Variants in PTPDC1 observed in about 807,000 individuals in gnomAD.
PTPDC1 encodes protein tyrosine phosphatase domain containing 1.
A neutral mutation model predicts 75.3 loss-of-function variants in PTPDC1; 53 were observed. The ratio of observed to expected loss-of-function variants is 0.70; its 90% CI spans 0.56 to 0.88. The LOEUF (loss-of-function observed/expected upper bound fraction) is 0.88. Among genes scored for constraint, PTPDC1 ranks in the 40% least tolerant of loss-of-function variants. The pLI is 0.00. For missense variants in PTPDC1, 925 were observed against 998.6 expected, an observed-to-expected ratio of 0.93 and a Z score of 0.99; for synonymous variants, 349 against 366.2, an observed-to-expected ratio of 0.95 and a Z score of 0.54.
intron 1 of PTPDC1, among the ~76,000 whole-genome samples, chr9:94,045,797 C>G (rs903632565): frequency 2.0e-5 from 3 of 151,310 alleles, no homozygotes; most frequent in Admixed American, 6.6e-5. Context: ...TGTAGGTTGC[C>G]TGTTCACTCT....
rs1374251671 is a variant in PTPDC1 at position 94,104,314 on chromosome 9, G to A, written c.2239G>A (p.Val747Met). 1.9e-6 allele frequency: 3 copies of A among 1,613,772 alleles called. No homozygotes were observed. The African/African-American group carries it at 4.0e-5, about 22-fold the overall frequency. The change falls in exon 8 of 9, where the codon GTG (valine) becomes ATG (methionine). Residue 747 changes from valine to methionine, a missense_variant. By Grantham distance (21) the Val-to-Met change is conservative. Transcript: ENST00000620992. ...QTILCVLHCI[V>M]NLQTIPVDVE... is the part of the protein sequence containing the mutation. ...TATTCTCTGCGTGTTGCACTGCATAGTGAACCTGCAGACAATTCCCGTGGA... is the reference window on the plus strand; with the variant it reads ...TATTCTCTGCGTGTTGCACTGCATAATGAACCTGCAGACAATTCCCGTGGA...
At chr9:94,091,416 C>T (rs1388448928) in intron 4 of PTPDC1, among the ~76,000 whole-genome samples, 1 of 151,976 alleles carries the variant, frequency 6.6e-6, no homozygotes, top group African/African-American at 2.4e-5. Context: ...ACCAGCCTTG[C>T]ATCCCAGGGA....
In PTPDC1 at chr9:94,054,221, G is replaced by A. The variant is rs544488659; in HGVS notation, c.-6-10513G>A. On this transcript the variant is annotated intron_variant, in intron 1 of 9. Coordinates refer to the PTPDC1 transcript ENST00000375360. ...AAGTCCTATGGAGAAAAATGGGAGA[G>A]TGTTTTAAATTTTAATTAGGGTGAT... 4.6e-5 allele frequency among the ~76,000 whole-genome samples: 7 copies of A among 152,300 alleles called. No homozygotes were observed. In the South Asian group the frequency reaches 1.5e-3, roughly 32 times the overall value.
intron 4 of PTPDC1, among the ~76,000 whole-genome samples, chr9:94,090,623 A>G (rs1827278720): frequency 8.6e-6 from 1 of 116,658 alleles, no homozygotes; most frequent in Non-Finnish European, 1.7e-5. Flanking sequence ...GAAGAAAGTC[A>G]TTGGTAGCTT....
At chr9:94,102,380 AATATGTAT>A (rs1827873652) in intron 7 of PTPDC1, among the ~76,000 whole-genome samples, 1 of 151,588 alleles carries the variant, frequency 6.6e-6, no homozygotes, top group Admixed American at 6.6e-5. Context: ...AAATAGAGGA[AATATGTAT>A]ATATGTATAA....
chr9:94,033,465 G>A (rs1441440846), intron 1 of PTPDC1, among the ~76,000 whole-genome samples: 1 of 152,140 alleles, frequency 6.6e-6, no homozygotes, highest in Admixed American at 6.5e-5. Context: ...GTGTGTTTAA[G>A]GAAGAACCGG....
At chr9:94,072,008 TTTTG>T (rs1303674738) in intron 2 of PTPDC1, among the ~76,000 whole-genome samples, 4 of 152,300 alleles carry the variant, frequency 2.6e-5, no homozygotes, top group East Asian at 1.9e-4. Context: ...ATTGTGGTTT[TTTTG>T]TTTGTTTGTT....
At chr9:94,038,960 T>A (rs1825352468) in intron 1 of PTPDC1, among the ~76,000 whole-genome samples, 1 of 152,218 alleles carries the variant, frequency 6.6e-6, no homozygotes, top group Admixed American at 6.5e-5. Flanking sequence ...TTATAGATGA[T>A]CTATAAGGTC....
intron 8 of PTPDC1, among the ~76,000 whole-genome samples, chr9:94,104,822 A>C (rs1827960880): frequency 6.6e-6 from 1 of 152,178 alleles, no homozygotes; most frequent in Admixed American, 6.5e-5. Flanking sequence ...GCAAATCCTA[A>C]GGAAAGAGTT....
At chr9:94,038,245 C>G in intron 1 of PTPDC1, 1 of 918,002 alleles carries the variant, frequency 1.1e-6, no homozygotes, top group Non-Finnish European at 1.8e-6. Flanking sequence ...TGGAGAATCC[C>G]AAGAAGTACA....
rs547059455 is a variant in PTPDC1, at chr9:94,097,389, C to T, written c.823C>T (p.Arg275Trp). Residue 275 changes from arginine (R) to tryptophan (W), a missense_variant, in exon 6 of 9, where the codon CGG (arginine) becomes TGG (tryptophan). Physicochemically the swap from Arg to Trp is moderately radical, Grantham distance 101. Coordinates refer to ENST00000620992, the MANE Select transcript of PTPDC1 (RefSeq NM_001253829.2). ...TGCTGACCAAGCAATTATATTTGTG[C>T]GGGCAAAGCGACCCAATTCCATACA... ...MTADQAIIFV[R>W]AKRPNSIQTR... 8 of 1,613,790 alleles carry T rather than the reference C, an allele frequency of 5.0e-6. No individual in the cohort carries two copies. The Admixed American group carries it at 5.0e-5, about 10-fold the overall frequency.
rs916931616 is a variant in PTPDC1, at chr9:94,109,615, T to C, written c.*1671T>C. On this transcript the variant is annotated 3_prime_UTR_variant, in exon 9 of 9. Transcript: ENST00000620992. ...AAATAGAGTTTTTACCAAAAAAAGATGTTTGTTCTCATCTCAGTAGGCCTC... is the reference window on the plus strand; with the variant it reads ...AAATAGAGTTTTTACCAAAAAAAGACGTTTGTTCTCATCTCAGTAGGCCTC... The C allele has an allele frequency of 3.9e-5, 6 of 152,204 alleles. No homozygotes were observed. The highest frequency in any genetic ancestry group is 1.4e-4 in the African/African-American group (6 of 41,448). 9.4% of individuals were successfully genotyped at this position (152,204 alleles called of 1,614,324 possible). A position where few individuals can be genotyped will look rare whatever the true frequency, so the allele number is the denominator to read the frequency against.
intron 4 of PTPDC1, among the ~76,000 whole-genome samples, chr9:94,094,450 G>T (rs907012274): frequency 6.6e-6 from 1 of 152,176 alleles, no homozygotes; most frequent in Non-Finnish European, 1.5e-5. Flanking sequence ...ATTTCCAGCT[G>T]CGTGCTGGGA....
chr9:94,084,898 T>C (rs961424652), intron 1 of PTPDC1, 124 bp downstream of exon 1: 4 of 686,250 alleles, frequency 5.8e-6, no homozygotes, highest in African/African-American at 1.8e-5. Context: ...TTTTGCTGTC[T>C]GTTATGCTAT....
At chr9:94,090,723 T>C (rs1204720047) in intron 4 of PTPDC1, among the ~76,000 whole-genome samples, 1 of 128,680 alleles carries the variant, frequency 7.8e-6, no homozygotes, top group African/African-American at 3.1e-5. Flanking sequence ...CATGGAATGT[T>C]CTTCCATTTG....
intron 1 of PTPDC1, among the ~76,000 whole-genome samples, chr9:94,085,017 GT>G (rs1304763454): frequency 1.3e-5 from 2 of 152,106 alleles, no homozygotes; most frequent in Non-Finnish European, 2.9e-5. Context: ...TGCTTCTACA[GT>G]TTCTTCCTCC....
At chr9:94,097,229 A>T in intron 5 of PTPDC1, 92 bp from the exon 6 acceptor site, 1 of 832,118 alleles carries the variant, frequency 1.2e-6, no homozygotes, top group Middle Eastern at 3.6e-4. Context: ...TTCTTAACAC[A>T]TATTCAAATT....
chr9:94,098,532 G>GA lies in PTPDC1; in HGVS notation c.1968dup (p.Ser657IlefsTer19). ...GGCCAAAGCCCTAGCAAATTTAAAT[G>GA]AATCTGTAGAAAAGGAGGAACTAAA... On this transcript the variant is annotated frameshift_variant, in exon 6 of 9. Coordinates refer to ENST00000620992, the MANE Select transcript of PTPDC1 (RefSeq NM_001253829.2). LOFTEE classifies it high-confidence loss of function. The GA allele has an allele frequency of 6.2e-7, 1 of 1,614,158 alleles. No homozygotes were observed. The highest frequency in any genetic ancestry group is 1.1e-5 in the South Asian group (1 of 91,078).
chr9:94,084,648 G>A lies in PTPDC1; in HGVS notation c.118G>A (p.Gly40Ser). 6.2e-7 allele frequency: 1 copy of A among 1,613,276 alleles called. No homozygotes were observed. Among genetic ancestry groups the A allele is most frequent in the South Asian group, 1.1e-5 (1 of 91,016 alleles). The change falls in exon 1 of 9, where the codon GGC (glycine) becomes AGC (serine). Residue 40 changes from glycine (G) to serine (S), a missense_variant. Transcript: ENST00000620992. ...ACTGCGGCTGCAGCAGGCCCGGCGG[G>A]GCTCTGGCTTGGGCTCCGGCTCTGC... is the stretch of plus-strand genomic sequence containing the variant. The part of the protein sequence containing the change: ...PVLRLQQARR[G>S]SGLGSGSATK...
Sources: allele counts gnomAD v4.1 joint callset (sites outside exome capture counted in the v4.1 genomes callset), GRCh38; gene constraint gnomAD v4.1.1; transcripts MANE v1.5; gene names NCBI Gene and HGNC (gene_info 2026-07-23, HGNC 2026-07-21).